The following RNF145 variants were observed in gnomAD, a reference collection of about 807,000 sequenced individuals.
The protein encoded by RNF145 is ring finger protein 145.
A neutral mutation model predicts 57.3 loss-of-function variants in RNF145; 12 were observed. That is an observed-to-expected ratio of 0.21 (90% CI 0.13 to 0.34). The LOEUF is 0.34. RNF145 is among the 10% of genes least tolerant of loss of function. The pLI is 1.00. For missense variants in RNF145, 429 were observed against 799.0 expected (o/e 0.54, Z 5.58); for synonymous variants, 262 against 288.3 (o/e 0.91, Z 0.92).
intron 2 of RNF145, 55 bp from the exon 3 acceptor site, chr5:159,194,879 C>T (rs916966232): frequency 8.0e-6 from 10 of 1,248,694 alleles, no homozygotes; most frequent in East Asian, 2.4e-5. Context: ...CAATTAATTA[C>T]AATAAAAGAA....
At chr5:159,163,461 C>G (rs961305719) in intron 8 of RNF145, among the ~76,000 whole-genome samples, 1 of 152,158 alleles carries the variant, frequency 6.6e-6, no homozygotes, top group Non-Finnish European at 1.5e-5. Flanking sequence ...CTTATGACAC[C>G]CTCTTCCCAC....
intron 6 of RNF145, among the ~76,000 whole-genome samples, chr5:159,172,313 T>C (rs1170768965): frequency 6.6e-6 from 1 of 152,044 alleles, no homozygotes; most frequent in Non-Finnish European, 1.5e-5. Flanking sequence ...CAACATGGTC[T>C]CTACTAATAA....
intron 1 of RNF145, among the ~76,000 whole-genome samples, chr5:159,205,654 C>T (rs1388466700): frequency 6.6e-6 from 1 of 152,100 alleles, no homozygotes; most frequent in African/African-American, 2.4e-5. Flanking sequence ...TTGAAAATCA[C>T]CACGTACTGA....
chr5:159,207,310 G>A (rs1029784255), intron 1 of RNF145, among the ~76,000 whole-genome samples: 6 of 151,956 alleles, frequency 3.9e-5, no homozygotes, highest in African/African-American at 1.5e-4. Flanking sequence ...TGAAAAATGT[G>A]ATTTTTTATT....
At chr5:159,201,079 C>G (rs997150687) in intron 2 of RNF145, among the ~76,000 whole-genome samples, 48 of 152,056 alleles carry the variant, frequency 3.2e-4, no homozygotes, top group African/African-American at 1.2e-3. Flanking sequence ...ATAAGTTAAC[C>G]CTTGAACAAC....
At chr5:159,173,846 G>A (rs1784631306) in intron 6 of RNF145, 137 bp downstream of exon 6, 1 of 591,758 alleles carries the variant, frequency 1.7e-6, no homozygotes. Context: ...GGTATCCAGT[G>A]AATGAAAATC....
chr5:159,199,625 C>T (rs1785593289), intron 2 of RNF145, among the ~76,000 whole-genome samples: 1 of 152,114 alleles, frequency 6.6e-6, no homozygotes, highest in African/African-American at 2.4e-5. Flanking sequence ...GTCTTCTTAC[C>T]TCCAGTTTCT....
chr5:159,187,099 G>T (rs2113178743), intron 3 of RNF145, among the ~76,000 whole-genome samples: 1 of 151,760 alleles, frequency 6.6e-6, no homozygotes, highest in South Asian at 2.1e-4. Context: ...TGGCCAACAT[G>T]GTGAAAGCCT....
chr5:159,208,187 G>C, intron 1 of RNF145: 1 of 1,353,322 alleles, frequency 7.4e-7, no homozygotes. Flanking sequence ...CCCAGCTCGC[G>C]GCAAGCAGGC....
At chr5:159,184,293 T>C (rs912349387) in intron 3 of RNF145, among the ~76,000 whole-genome samples, 1 of 152,240 alleles carries the variant, frequency 6.6e-6, no homozygotes, top group Non-Finnish European at 1.5e-5. Context: ...AAACTTTGTC[T>C]TTCTTTAGAG....
intron 8 of RNF145, among the ~76,000 whole-genome samples, chr5:159,164,233 AC>A (rs1346702836): frequency 6.6e-6 from 1 of 152,002 alleles, no homozygotes; most frequent in African/African-American, 2.4e-5. Context: ...CTTGCCAAAA[AC>A]TAATAATAAT....
At chr5:159,160,723 G>A (rs1784187915) in intron 10 of RNF145, among the ~76,000 whole-genome samples, 1 of 152,124 alleles carries the variant, frequency 6.6e-6, no homozygotes, top group African/African-American at 2.4e-5. Flanking sequence ...AAGACTATAG[G>A]TAGGCCAACT....
chr5:159,190,932 CT>C (rs1398245371), intron 3 of RNF145, among the ~76,000 whole-genome samples: 1 of 151,946 alleles, frequency 6.6e-6, no homozygotes, highest in East Asian at 1.9e-4. Flanking sequence ...TATGCCATAT[CT>C]TGAAATTCAT....
intron 6 of RNF145, 57 bp downstream of exon 6, chr5:159,173,926 G>T: frequency 1.7e-6 from 2 of 1,191,048 alleles, no homozygotes; most frequent in South Asian, 4.5e-5. Context: ...ACTATTCCTA[G>T]ATCAAAGTTT....
chr5:159,170,732 C>G lies in RNF145; in HGVS notation c.798-913G>C, dbSNP rs569835115. On this transcript the variant is annotated intron_variant, in intron 6 of 10. Coordinates refer to ENST00000424310, the MANE Select transcript of RNF145 (RefSeq NM_001199383.2). The stretch of plus-strand genomic sequence containing the variant: ...ACTTCAGCCTCCCAAGTAGCTAAGA[C>G]CGTAAGAGCGTGCCACTGCGCCTGG... Among the ~76,000 whole-genome samples the G allele has an allele frequency of 9.2e-5, 14 of 152,294 alleles. No individual in the cohort carries two copies. The South Asian group carries it at 2.9e-3, about 32-fold the overall frequency.
chr5:159,162,950 G>A lies in RNF145; in HGVS notation c.1251C>T (p.Ser417=). ...GGCTTACCTGAAGAGAGGTAAGAAT[G>A]CTGCTGGAAATAATGATAAGAAGCC... ...DFWLLIIISS[S]ILTSLQVLGT... is the part of the protein sequence containing the mutation. The change falls in exon 9 of 11, where the codon AGC becomes AGT. Residue 417 remains serine (S), a synonymous_variant. Transcript: ENST00000424310. 1 of 1,610,176 alleles carries A rather than the reference G, an allele frequency of 6.2e-7. No homozygotes were observed. Among genetic ancestry groups the A allele is most frequent in the South Asian group, 1.1e-5 (1 of 90,142 alleles).
intron 9 of RNF145, 91 bp from the exon 10 acceptor site, chr5:159,161,713 T>C (rs1784223086): frequency 1.3e-6 from 1 of 758,832 alleles, no homozygotes; most frequent in African/African-American, 1.7e-5. Context: ...TTCCTGATGT[T>C]TTTAGGGTGC....
chr5:159,170,430 CAA>C (rs1784508552), intron 6 of RNF145, among the ~76,000 whole-genome samples: 1 of 152,098 alleles, frequency 6.6e-6, no homozygotes, highest in African/African-American at 2.4e-5. Flanking sequence ...TAATTTTTAA[CAA>C]AAGTTTGCTA....
intron 6 of RNF145, among the ~76,000 whole-genome samples, chr5:159,170,481 A>T (rs1376005470): frequency 6.6e-6 from 1 of 152,242 alleles, no homozygotes; most frequent in Non-Finnish European, 1.5e-5. Flanking sequence ...ACATTACACT[A>T]GAACTTGGAA....
Sources: gnomAD v4.1 joint callset for allele counts (sites outside exome capture counted in the v4.1 genomes callset) on GRCh38, gnomAD v4.1.1 for gene constraint, MANE v1.5 for transcripts, NCBI Gene and HGNC (gene_info 2026-07-23, HGNC 2026-07-21) for gene names.